Variants in VTI1A observed in about 807,000 individuals in gnomAD.
VTI1A encodes vesicle transport through interaction with t-SNAREs homolog 1A.
Under a neutral mutation model 34.9 loss-of-function variants are expected in VTI1A, and 22 were observed. The ratio of observed to expected loss-of-function variants is 0.63; its 90% confidence interval spans 0.45 to 0.90. The LOEUF (loss-of-function observed/expected upper bound fraction) is 0.90. VTI1A is among the 40% of genes least tolerant of loss of function. The probability of loss-of-function intolerance (pLI) is 0.00; values close to 1 mark genes in which losing one functional copy is unlikely to be tolerated. For synonymous variants in VTI1A, 87 were observed against 97.3 expected, an observed-to-expected ratio of 0.89 and a Z score of 0.62; for missense variants, 268 against 275.6, an observed-to-expected ratio of 0.97 and a Z score of 0.20.
intron 7 of VTI1A, among the ~76,000 whole-genome samples, chr10:112,722,147 A>G (rs906253951): frequency 6.6e-6 from 1 of 152,250 alleles, no homozygotes; most frequent in Admixed American, 6.5e-5. Context: ...AACCAAATTT[A>G]TCAACCTGGA....
At chr10:112,571,799 T>C (rs532482924) in intron 5 of VTI1A, among the ~76,000 whole-genome samples, 1 of 152,292 alleles carries the variant, frequency 6.6e-6, no homozygotes, top group Admixed American at 6.5e-5. Context: ...TGTGGAATAT[T>C]ACATAGCCAT....
intron 3 of VTI1A, among the ~76,000 whole-genome samples, chr10:112,521,341 T>C (rs1277293463): frequency 6.6e-6 from 1 of 152,012 alleles, no homozygotes; most frequent in Non-Finnish European, 1.5e-5. Context: ...TAATACAGAT[T>C]TTTAAAGCCA....
intron 3 of VTI1A, among the ~76,000 whole-genome samples, chr10:112,526,715 A>G (rs1850238698): frequency 6.6e-6 from 1 of 152,188 alleles, no homozygotes; most frequent in South Asian, 2.1e-4. Context: ...ATTGAAAAAA[A>G]AAAACATATA....
At chr10:112,788,477 C>G (rs1852362959) in intron 7 of VTI1A, among the ~76,000 whole-genome samples, 1 of 152,134 alleles carries the variant, frequency 6.6e-6, no homozygotes, top group Non-Finnish European at 1.5e-5. Flanking sequence ...CTTATAGTTA[C>G]TGTTTGCATA....
intron 5 of VTI1A, among the ~76,000 whole-genome samples, chr10:112,624,628 C>T (rs1249949352): frequency 1.3e-5 from 2 of 151,938 alleles, no homozygotes; most frequent in Non-Finnish European, 2.9e-5. Flanking sequence ...ATCGAAGACA[C>T]GTAGGGTACT....
intron 3 of VTI1A, among the ~76,000 whole-genome samples, chr10:112,489,445 A>G (rs896456971): frequency 6.6e-6 from 1 of 152,188 alleles, no homozygotes; most frequent in African/African-American, 2.4e-5. Context: ...TTTAAGTAAT[A>G]TTAGTGAAAT....
chr10:112,519,493 GGTTT>G lies in VTI1A; in HGVS notation c.265-7581_265-7578del, dbSNP rs371488939. Among the ~76,000 whole-genome samples the G allele has an allele frequency of 8.5e-5, 13 of 152,208 alleles. No individual in the cohort carries two copies. In the East Asian group the frequency reaches 2.5e-3, roughly 29 times the overall value. ...CTAGCTATTGATAGCAAAGAATAAA[GGTTT>G]GTTTGTTTGTTTTTAGAGAAGGGTG... is the stretch of plus-strand genomic sequence containing the variant. On this transcript the variant is annotated intron_variant, in intron 3 of 7. Coordinates refer to ENST00000393077, the MANE Select transcript of VTI1A (RefSeq NM_145206.4).
At chr10:112,517,894 A>G (rs1849846155) in intron 3 of VTI1A, among the ~76,000 whole-genome samples, 1 of 152,056 alleles carries the variant, frequency 6.6e-6, no homozygotes, top group Non-Finnish European at 1.5e-5. Flanking sequence ...CTGGAATACA[A>G]AATGAACGTT....
chr10:112,754,222 AGTC>A (rs2133996854), intron 7 of VTI1A, among the ~76,000 whole-genome samples: 1 of 152,304 alleles, frequency 6.6e-6, no homozygotes, highest in Non-Finnish European at 1.5e-5. Flanking sequence ...TGTAAAATGT[AGTC>A]ATGTTTTTGT....
chr10:112,521,885 T>C (rs1347019628), intron 3 of VTI1A, among the ~76,000 whole-genome samples: 1 of 152,064 alleles, frequency 6.6e-6, no homozygotes, highest in Non-Finnish European at 1.5e-5. Flanking sequence ...CCTGGATTGA[T>C]GAGCCTTTTT....
rs59640705 is a variant in VTI1A, at chr10:112,815,140, C to CGCACACACACAT, written c.561-150_561-149insGCACACACACAT. 3 of 195,910 alleles carry CGCACACACACAT rather than the reference C, an allele frequency of 1.5e-5. No homozygotes were observed. The African/African-American group carries it at 2.0e-4, about 13-fold the overall frequency. 12.1% of individuals were successfully genotyped at this position (195,910 alleles called of 1,614,324 possible). On this transcript the variant is annotated intron_variant, in intron 7 of 7. Transcript: ENST00000393077. ...CTGCGTGATGTCTCTTTCGCGCGCG[C>CGCACACACACAT]ACACACACACACACACACACACACA... is the stretch of plus-strand genomic sequence containing the variant.
chr10:112,647,085 G>C (rs1564864889), intron 5 of VTI1A, among the ~76,000 whole-genome samples: 1 of 152,188 alleles, frequency 6.6e-6, no homozygotes, highest in Non-Finnish European at 1.5e-5. Flanking sequence ...CTTTCTGGAA[G>C]AGTTCATTTT....
chr10:112,748,994 TC>T (rs1275998865), intron 7 of VTI1A, among the ~76,000 whole-genome samples: 3 of 152,188 alleles, frequency 2.0e-5, no homozygotes, highest in Admixed American at 6.5e-5. Flanking sequence ...CAGATTTAGT[TC>T]ATTCGAATTA....
chr10:112,830,458 T>C, the VTI1A span, among the ~76,000 whole-genome samples: 1 of 151,482 alleles, frequency 6.6e-6, no homozygotes, highest in Admixed American at 6.6e-5. Flanking sequence ...TGTCTCAGGT[T>C]ACATACACCA....
chr10:112,473,994 C>T (rs538149013), intron 3 of VTI1A, among the ~76,000 whole-genome samples: 2 of 152,256 alleles, frequency 1.3e-5, no homozygotes, highest in African/African-American at 4.8e-5. Flanking sequence ...ACCCTAAATC[C>T]ACTTTACATA....
chr10:112,837,649 G>A, the VTI1A span, among the ~76,000 whole-genome samples: 2 of 152,314 alleles, frequency 1.3e-5, no homozygotes, highest in Admixed American at 1.3e-4. Flanking sequence ...GGCTTGGTCT[G>A]GAAGGTTTTA....
chr10:112,698,003 A>G (rs928311241), intron 7 of VTI1A, among the ~76,000 whole-genome samples: 4 of 152,046 alleles, frequency 2.6e-5, no homozygotes, highest in African/African-American at 4.8e-5. Context: ...TTGTGTATTT[A>G]TATTTTAAAC....
intron 3 of VTI1A, among the ~76,000 whole-genome samples, chr10:112,521,252 A>T (rs1850020004): frequency 6.6e-6 from 1 of 152,064 alleles, no homozygotes; most frequent in South Asian, 2.1e-4. Context: ...ATTTTTTACT[A>T]TTGGAAGCCA....
intron 5 of VTI1A, among the ~76,000 whole-genome samples, chr10:112,626,736 G>A (rs985179827): frequency 2.6e-5 from 4 of 152,176 alleles, no homozygotes; most frequent in African/African-American, 4.8e-5. Context: ...GTAGTCCACT[G>A]CTCTTCAGGT....
Sources: gnomAD v4.1 joint callset for allele counts (sites outside exome capture counted in the v4.1 genomes callset) on GRCh38, gnomAD v4.1.1 for gene constraint, MANE v1.5 for transcripts, NCBI Gene and HGNC (gene_info 2026-07-23, HGNC 2026-07-21) for gene names.